CAPN5: variants seen among roughly 807,000 people sequenced by gnomAD.
The protein encoded by CAPN5 is calpain-5.
In CAPN5, 54 loss-of-function variants were observed where a neutral mutation model predicts 73.0. The ratio of observed to expected loss-of-function variants is 0.74; its 90% CI spans 0.59 to 0.93. The LOEUF (loss-of-function observed/expected upper bound fraction) is 0.93. Ranked by LOEUF, CAPN5 falls within the 40% of genes least tolerant of loss-of-function variation. The probability of loss-of-function intolerance (pLI) is 0.00; values close to 1 mark genes in which losing one functional copy is unlikely to be tolerated. For missense variants in CAPN5, 785 were observed against 882.9 expected (o/e 0.89, Z 1.41); for synonymous variants, 335 against 356.9 (o/e 0.94, Z 0.69).
chr11:77,093,645 C>T (rs1049609472), intron 2 of CAPN5, 37 bp from the exon 3 acceptor site: 2 of 1,536,882 alleles, frequency 1.3e-6, no homozygotes, highest in Non-Finnish European at 1.7e-6. Context: ...CCGCATGCTC[C>T]TCCGCCCCTC....
At chr11:77,109,095 T>C (rs1555040370) in intron 3 of CAPN5, among the ~76,000 whole-genome samples, 1 of 152,230 alleles carries the variant, frequency 6.6e-6, no homozygotes, top group African/African-American at 2.4e-5. Context: ...ATTTTTTTCT[T>C]TCTTTGTCAC....
chr11:77,076,366 A>G (rs1949968675), intron 1 of CAPN5, among the ~76,000 whole-genome samples: 1 of 152,228 alleles, frequency 6.6e-6, no homozygotes, highest in South Asian at 2.1e-4. Flanking sequence ...AGAAAAGTCT[A>G]CTTCTAGCAA....
intron 12 of CAPN5, 141 bp downstream of exon 12, chr11:77,122,853 G>A (rs1366790215): frequency 1.8e-6 from 2 of 1,101,176 alleles, no homozygotes; most frequent in Admixed American, 2.4e-5. Flanking sequence ...CCTGACCCCT[G>A]GTGTGGCTTT....
chr11:77,103,049 C>T lies in CAPN5; in HGVS notation c.297+9236C>T, dbSNP rs782271733. 5.6e-6 allele frequency: 9 copies of T among 1,613,606 alleles called. No homozygotes were observed. The South Asian group carries it at 6.6e-5, about 12-fold the overall frequency. ...GGCTACAGTTCGAGCGCTGGAATGT[C>T]GTGCTGGACAAGCCGGGCAAGGTCA... is the stretch of plus-strand genomic sequence containing the variant. On this transcript the variant is annotated intron_variant, in intron 3 of 12. Transcript: ENST00000648180.
chr11:77,087,963 C>CCTCACAGGCCT, intron 2 of CAPN5: 1 of 1,536,050 alleles, frequency 6.5e-7, no homozygotes, highest in Non-Finnish European at 8.7e-7. Context: ...TTCGCTGGCC[C>CCTCACAGGCCT]CTCACAGGCC....
chr11:77,122,531 G>GCCCCCCCCCCCCCCCCCCCCCCCCCCC, intron 11 of CAPN5, 45 bp from the exon 12 acceptor site: 1 of 1,228,402 alleles, frequency 8.1e-7, no homozygotes, highest in Non-Finnish European at 1.2e-6. Flanking sequence ...CCCTGCCACA[G>GCCCCCCCCCCCCCCCCCCCCCCCCCCC]CCCCCACCCC....
chr11:77,093,390 A>T (rs1395871503), intron 2 of CAPN5, among the ~76,000 whole-genome samples: 1 of 152,206 alleles, frequency 6.6e-6, no homozygotes, highest in Non-Finnish European at 1.5e-5. Flanking sequence ...CCCCGGGTCC[A>T]GCGCTCTGAC....
At position 77,085,087 on chromosome 11, in the gene CAPN5, G is replaced by A. The variant is rs781952746; in HGVS notation, c.165+36G>A. 79 of 1,588,478 alleles carry A rather than the reference G, an allele frequency of 5.0e-5. 1 individual carries two copies. In the East Asian group the frequency reaches 1.8e-3, roughly 36 times the overall value. ...GGTCCCAGCTGGAGCTGGGTGAGCG[G>A]GCCCAGGCCCACCCACAAGGCTGGG... On this transcript the variant is annotated intron_variant, in intron 2 of 12. Transcript: ENST00000648180.
chr11:77,119,178 TG>T, intron 9 of CAPN5, 26 bp downstream of exon 9: 1 of 1,593,420 alleles, frequency 6.3e-7, no homozygotes, highest in Non-Finnish European at 8.5e-7. Context: ...TCCCCTGCCG[TG>T]GGTGGGGAGA....
rs1555041542 is a variant in CAPN5, at chr11:77,115,429, C to A, written c.734C>A (p.Ala245Glu). The A allele has an allele frequency of 6.2e-7, 1 of 1,607,274 alleles. No homozygotes were observed. The highest frequency in any genetic ancestry group is 8.5e-7 in the Non-Finnish European group (1 of 1,175,378). The change falls in exon 6 of 13, where the codon GCG (alanine) becomes GAG (glutamate). Residue 245 changes from alanine to glutamate, a missense_variant. Transcript: ENST00000648180. The stretch of plus-strand genomic sequence containing the variant: ...GCAGCTGACATGGAGGCCCGCCTGG[C>A]GTGCGGCCTGGTAAAGGGCCACGCA... ...VTAADMEARL[A>E]CGLVKGHAYA...
chr11:77,096,871 A>C (rs1950214033), intron 3 of CAPN5, among the ~76,000 whole-genome samples: 1 of 151,904 alleles, frequency 6.6e-6, no homozygotes, highest in Non-Finnish European at 1.5e-5. Context: ...TCTAGGAGGG[A>C]GTGTTGGGGT....
rs782145291 is a variant in CAPN5 at position 77,102,917 on chromosome 11, G to A, written c.297+9104G>A. 7 of 1,612,880 alleles carry A rather than the reference G, an allele frequency of 4.3e-6. No homozygotes were observed. Among genetic ancestry groups the A allele is most frequent in the Non-Finnish European group, 5.9e-6 (7 of 1,179,888 alleles). On this transcript the variant is annotated intron_variant, in intron 3 of 12. Transcript: ENST00000648180. ...ACCAGGGCCTGACCAGGCAGATGCG[G>A]CTACGCGTGGAGAGCCTGAAGCAGC... is the stretch of plus-strand genomic sequence containing the variant.
Position 77,119,097 on chromosome 11 carries a change from C to T in CAPN5, c.1235C>T (p.Ser412Phe). ...LICIQQRPKR[S>F]TRREGKGENL... ...TGCATCCAGCAGCGGCCAAAGCGGT[C>T]TACGCGCCGGGAGGGCAAGGGTGAG... Residue 412 changes from serine to phenylalanine, a missense_variant, in exon 9 of 13, where the codon TCT becomes TTT. Ser to Phe is a radical substitution (Grantham distance 155, BLOSUM62 -2). Coordinates refer to ENST00000648180, the MANE Select transcript of CAPN5 (RefSeq NM_004055.5). 1 of 1,614,058 alleles carries T rather than the reference C, an allele frequency of 6.2e-7. No individual in the cohort carries two copies. The highest frequency in any genetic ancestry group is 1.1e-5 in the South Asian group (1 of 91,022).
chr11:77,110,114 G>A (rs527456513), intron 3 of CAPN5, among the ~76,000 whole-genome samples: 23 of 147,184 alleles, frequency 1.6e-4, no homozygotes, highest in Admixed American at 7.4e-4. Flanking sequence ...GTATGGAACC[G>A]CTCTTTTTTT....
chr11:77,068,751 G>A (rs1490183062), intron 1 of CAPN5, among the ~76,000 whole-genome samples: 2 of 152,070 alleles, frequency 1.3e-5, no homozygotes, highest in East Asian at 3.9e-4. Context: ...CCCTGATAAA[G>A]TTTCCCAGAG....
intron 4 of CAPN5, 50 bp downstream of exon 4, chr11:77,112,847 A>G: frequency 6.5e-7 from 1 of 1,540,466 alleles, no homozygotes; most frequent in Non-Finnish European, 9.0e-7. Flanking sequence ...CGGGGGTGGC[A>G]CCGGATGGGC....
rs905819015 is a variant in CAPN5, at chr11:77,124,106, C to G, written c.*236C>G. 2.1e-5 allele frequency: 12 copies of G among 559,862 alleles called. No individual in the cohort carries two copies. Among genetic ancestry groups the G allele is most frequent in the Non-Finnish European group, 3.5e-5 (11 of 314,610 alleles). The allele number at this position is 559,862 out of a possible 1,614,324, so 34.7% of individuals were successfully genotyped here. A position where few individuals can be genotyped will look rare whatever the true frequency, so the allele number is the denominator to read the frequency against. On this transcript the variant is annotated 3_prime_UTR_variant, in exon 13 of 13. Coordinates refer to ENST00000648180, the MANE Select transcript of CAPN5 (RefSeq NM_004055.5). ...TGAGATTTCAAATAGTCCTCCCCAC[C>G]TCAACTGTCACCACTGCTAAGGGAC... is the stretch of plus-strand genomic sequence containing the variant.
chr11:77,071,790 A>G, intron 1 of CAPN5: 1 of 392,808 alleles, frequency 2.5e-6, no homozygotes, highest in Non-Finnish European at 5.4e-6. Flanking sequence ...GGCCAGGAAT[A>G]GGAAGTGGCT....
chr11:77,097,417 T>C (rs1555037618), intron 3 of CAPN5, among the ~76,000 whole-genome samples: 1 of 150,550 alleles, frequency 6.6e-6, no homozygotes, highest in African/African-American at 2.4e-5. Context: ...AAGGCTTTCA[T>C]TCATCAGACA....
Sources: allele counts gnomAD v4.1 joint callset (sites outside exome capture counted in the v4.1 genomes callset), GRCh38; gene constraint gnomAD v4.1.1; transcripts MANE v1.5; gene names NCBI Gene and HGNC (gene_info 2026-07-23, HGNC 2026-07-21).